Variants in C1orf141 observed in about 807,000 individuals in gnomAD.
C1orf141 encodes the protein uncharacterized protein C1orf141.
C1orf141 carries 19 observed loss-of-function variants against 23.2 expected under a neutral mutation model. That is an observed-to-expected ratio of 0.82 (90% CI 0.57 to 1.20). C1orf141 has a LOEUF of 1.20. Among genes scored for constraint, C1orf141 ranks in the 50% most tolerant of loss-of-function variants. The pLI is 0.00. For missense variants in C1orf141, 469 were observed against 455.1 expected (o/e 1.03, Z -0.28); for synonymous variants, 153 against 154.6 (o/e 0.99, Z 0.08).
chr1:67,093,448 G>A lies in C1orf141; in HGVS notation c.760C>T (p.Leu254Phe), dbSNP rs1476148757. 2.6e-5 allele frequency: 42 copies of A among 1,610,692 alleles called. No individual in the cohort carries two copies. Residue 254 changes from leucine (L) to phenylalanine (F), a missense_variant, in exon 8 of 8, where the codon CTC becomes TTC. By Grantham distance (22) the Leu-to-Phe change is conservative. Around this residue, in one of 3 missense-constraint regions of C1orf141, gnomAD observed 370 missense variants for 348.1 expected, o/e 1.06. Coordinates refer to ENST00000684719, the MANE Select transcript of C1orf141 (RefSeq NM_001276351.2). The part of the protein sequence containing the change: ...NFILERNCEI[L>F]KSIIGNQSIS... ...GATTGATTGCCAATTATAGATTTGA[G>A]GATTTCACAATTTCTTTCTAAAATG...
chr1:67,139,741 C>G (rs1456004486), upstream of C1orf141, among the ~76,000 whole-genome samples: 1 of 152,104 alleles, frequency 6.6e-6, no homozygotes, highest in African/African-American at 2.4e-5. Context: ...TAAAGTCTTG[C>G]TATGTTGCCT....
intron 5 of C1orf141, among the ~76,000 whole-genome samples, chr1:67,101,048 G>A (rs1645786327): frequency 6.6e-6 from 1 of 152,032 alleles, no homozygotes. Context: ...AACTTAGTTT[G>A]GTAGTTGGGG....
intron 2 of C1orf141, 68 bp downstream of exon 2, chr1:67,131,074 A>G (rs545304790): frequency 2.0e-5 from 3 of 152,446 alleles, no homozygotes; most frequent in African/African-American, 7.2e-5. Flanking sequence ...TGCATAAACT[A>G]ACTACTAATC....
In C1orf141 at chr1:67,095,080, T is replaced by G. The variant is rs966549095; in HGVS notation, c.603+155A>C. 91 of 520,154 alleles carry G rather than the reference T, an allele frequency of 1.7e-4. No homozygotes were observed. The East Asian group carries it at 2.8e-3, about 16-fold the overall frequency. 32.2% of individuals were successfully genotyped at this position (520,154 alleles called of 1,614,324 possible). On this transcript the variant is annotated intron_variant, in intron 7 of 7. Coordinates refer to ENST00000684719, the MANE Select transcript of C1orf141 (RefSeq NM_001276351.2). Reference sequence around the variant, plus strand: ...TCCCTGGTTTGGGAGTTGTGCAAAGTGCATTAAGAACTTAAGTGCTGTTAT... The same window carrying G: ...TCCCTGGTTTGGGAGTTGTGCAAAGGGCATTAAGAACTTAAGTGCTGTTAT...
At chr1:67,110,403 C>T (rs1260328117) in intron 5 of C1orf141, among the ~76,000 whole-genome samples, 2 of 152,012 alleles carry the variant, frequency 1.3e-5, no homozygotes, top group Non-Finnish European at 2.9e-5. Context: ...GTGGTATAAA[C>T]AATCTTTGTT....
intron 1 of C1orf141, among the ~76,000 whole-genome samples, chr1:67,132,971 T>C (rs2102511811): frequency 6.6e-6 from 1 of 152,330 alleles, no homozygotes; most frequent in African/African-American, 2.4e-5. Flanking sequence ...CCAATTACTC[T>C]CACAGTGAAT....
intron 4 of C1orf141, chr1:67,122,581 C>G (rs937656208): frequency 6.6e-6 from 1 of 152,102 alleles, no homozygotes; most frequent in Non-Finnish European, 1.5e-5. Context: ...CAAAGTGGTA[C>G]TTTTGTAAAA....
At position 67,124,409 on chromosome 1, in the gene C1orf141, T is replaced by C. The variant is rs1412415386; in HGVS notation, c.233+1343A>G. ...CTCACAGCAACCTCTGCCTCCCGAG[T>C]TCAAGCAATTCTCATGCCTCAGCCT... On this transcript the variant is annotated intron_variant, in intron 4 of 7. Coordinates refer to ENST00000684719, the MANE Select transcript of C1orf141 (RefSeq NM_001276351.2). Among the ~76,000 whole-genome samples the C allele has an allele frequency of 2.6e-5, 4 of 152,000 alleles. No homozygotes were observed. In the South Asian group the frequency reaches 6.3e-4, roughly 24 times the overall value.
chr1:67,108,235 G>A (rs116212223), intron 5 of C1orf141, among the ~76,000 whole-genome samples: 3,363 of 152,234 alleles, frequency 0.022, 125 homozygotes, highest in African/African-American at 0.076. Flanking sequence ...CCAAGATCAA[G>A]TCATCAGCAG....
chr1:67,099,111 G>A (rs1282016410), intron 5 of C1orf141, among the ~76,000 whole-genome samples: 2 of 152,128 alleles, frequency 1.3e-5, no homozygotes, highest in African/African-American at 4.8e-5. Flanking sequence ...TGATAGAAGT[G>A]TATTTCAAGG....
chr1:67,117,558 T>C (rs1384321525), intron 4 of C1orf141, among the ~76,000 whole-genome samples: 2 of 152,206 alleles, frequency 1.3e-5, no homozygotes, highest in Non-Finnish European at 2.9e-5. Flanking sequence ...GTAAAACAAT[T>C]TATCTGTTCC....
chr1:67,114,876 A>G (rs1389124310), intron 5 of C1orf141, among the ~76,000 whole-genome samples: 1 of 152,178 alleles, frequency 6.6e-6, no homozygotes, highest in Non-Finnish European at 1.5e-5. Flanking sequence ...GGGTTTCGCC[A>G]TGTTGGCCAG....
chr1:67,126,142 G>T (rs752242969), intron 3 of C1orf141, among the ~76,000 whole-genome samples: 1 of 148,420 alleles, frequency 6.7e-6, no homozygotes, highest in South Asian at 2.1e-4. Context: ...TGTAAAATGT[G>T]GGGGTAGGAC....
intron 3 of C1orf141, 45 bp downstream of exon 3, chr1:67,127,121 A>T (rs1400482836): frequency 7.9e-7 from 1 of 1,259,948 alleles, no homozygotes; most frequent in Admixed American, 2.1e-5. Flanking sequence ...TTGAAATGTT[A>T]ACCTGTTAAT....
chr1:67,140,500 AATAAAAT>A (rs1208414647), intron 1 of C1orf141, among the ~76,000 whole-genome samples: 1 of 152,204 alleles, frequency 6.6e-6, no homozygotes, highest in South Asian at 2.1e-4. Flanking sequence ...ACATTAAGCC[AATAAAAT>A]ATAATCTTTT....
At chr1:67,117,667 C>T (rs1270577302) in intron 4 of C1orf141, among the ~76,000 whole-genome samples, 1 of 152,124 alleles carries the variant, frequency 6.6e-6, no homozygotes, top group East Asian at 1.9e-4. Flanking sequence ...CTGTTTCTAA[C>T]TTGAATGAGA....
intron 1 of C1orf141, among the ~76,000 whole-genome samples, chr1:67,140,683 A>T (rs1271923803): frequency 6.6e-6 from 1 of 152,228 alleles, no homozygotes; most frequent in Non-Finnish European, 1.5e-5. Context: ...ATTAATATTT[A>T]GAAATTAATC....
In C1orf141 at chr1:67,141,249, T is replaced by C. The variant is rs1646634948; in HGVS notation, c.-103-10022A>G. On this transcript the variant is annotated intron_variant, in intron 1 of 7. Transcript: ENST00000371007. Reference sequence around the variant, plus strand: ...AGTTATCTTAGGGTGGTAAAGTATATCTTGGAAATATTTTTCTACTTTGTA... The same window carrying C: ...AGTTATCTTAGGGTGGTAAAGTATACCTTGGAAATATTTTTCTACTTTGTA... 2.0e-5 allele frequency among the ~76,000 whole-genome samples: 3 copies of C among 152,298 alleles called. 1 individual carries two copies. In the South Asian group the frequency reaches 6.2e-4, roughly 32 times the overall value.
Position 67,127,257 on chromosome 1 carries a change from C to T in C1orf141, c.-17G>A. ...TTCTGCCATTGTCAATCACTAAATT[C>T]CTATTTTAAAATAAGGAGGAAGAAG... On this transcript the variant is annotated splice_region_variant and 5_prime_UTR_variant, in exon 3 of 8. Coordinates refer to ENST00000684719, the MANE Select transcript of C1orf141 (RefSeq NM_001276351.2). 6.5e-7 allele frequency: 1 copy of T among 1,543,844 alleles called. No homozygotes were observed. Among genetic ancestry groups the T allele is most frequent in the Non-Finnish European group, 8.9e-7 (1 of 1,124,124 alleles).
Sources: allele counts gnomAD v4.1 joint callset (sites outside exome capture counted in the v4.1 genomes callset), GRCh38; gene constraint gnomAD v4.1.1; regional missense constraint gnomAD v4.1.1; transcripts MANE v1.5; gene names NCBI Gene and HGNC (gene_info 2026-07-23, HGNC 2026-07-21).